The following ZNF772 variants were observed in gnomAD, a reference collection of about 807,000 sequenced individuals.
ZNF772 encodes zinc finger protein 772.
ZNF772 carries 8 observed loss-of-function variants against 11.0 expected under a neutral mutation model. The ratio of observed to expected loss-of-function variants is 0.73; its 90% CI spans 0.43 to 1.31. ZNF772 has a LOEUF of 1.31. Ranked by LOEUF, ZNF772 falls within the 50% of genes most tolerant of loss-of-function variation. The probability of loss-of-function intolerance (pLI) is 0.01; values close to 1 mark genes in which losing one functional copy is unlikely to be tolerated. For synonymous variants in ZNF772, 155 were observed against 180.4 expected (o/e 0.86, Z 1.13); for missense variants, 496 against 552.3 (o/e 0.90, Z 1.02).
In ZNF772 at chr19:57,474,438, G is replaced by C; in HGVS notation, c.200-17C>G. ...GCCAACAACCTGAAAGCAGAGAAAT[G>C]CTGGTGAAGTACAAATTGACACAGG... On this transcript the variant is annotated splice_polypyrimidine_tract_variant and intron_variant, in intron 3 of 3. Transcript: ENST00000356584. The C allele has an allele frequency of 1.3e-6, 2 of 1,591,352 alleles. No homozygotes were observed. The highest frequency in any genetic ancestry group is 1.7e-6 in the Non-Finnish European group (2 of 1,171,812).
chr19:57,476,229 C>T (rs1299851791), intron 2 of ZNF772, among the ~76,000 whole-genome samples: 3 of 152,230 alleles, frequency 2.0e-5, no homozygotes, highest in Non-Finnish European at 4.4e-5. Flanking sequence ...ACTAAATGCA[C>T]TACCACTGTG....
Position 57,475,493 on chromosome 19 carries a change from A to G in ZNF772, c.199+167T>C. ...AGCGCTGGGAATGCTCAAAAGGAGAAAGTAGGAGTGCAAACAGCCCAAGCC... is the reference window on the plus strand; with the variant it reads ...AGCGCTGGGAATGCTCAAAAGGAGAGAGTAGGAGTGCAAACAGCCCAAGCC... On this transcript the variant is annotated intron_variant, in intron 3 of 3. Transcript: ENST00000356584. The surrounding 1 kb of genome is among the most constrained non-coding windows in gnomAD (Gnocchi z 4.2). The G allele has an allele frequency of 9.2e-7, 1 of 1,090,770 alleles. No homozygotes were observed. Among genetic ancestry groups the G allele is most frequent in the Non-Finnish European group, 1.4e-6 (1 of 715,478 alleles). 67.6% of individuals were successfully genotyped at this position (1,090,770 alleles called of 1,614,324 possible). A position where few individuals can be genotyped will look rare whatever the true frequency, so the allele number is the denominator to read the frequency against.
Position 57,475,905 on chromosome 19 carries a change from T to A in ZNF772, c.73-119A>T. The A allele has an allele frequency of 7.2e-7, 1 of 1,393,190 alleles. No homozygotes were observed. Among genetic ancestry groups the A allele is most frequent in the Non-Finnish European group, 9.7e-7 (1 of 1,027,978 alleles). 86.3% of individuals were successfully genotyped at this position (1,393,190 alleles called of 1,614,324 possible). A position where few individuals can be genotyped will look rare whatever the true frequency, so the allele number is the denominator to read the frequency against. On this transcript the variant is annotated intron_variant, in intron 2 of 3. Coordinates refer to ENST00000356584, the MANE Select transcript of ZNF772 (RefSeq NM_001144068.2). This position sits in a 1 kb window ranked among gnomAD's most constrained non-coding sequence, Gnocchi z 4.2. ...ACCTAACTCCTCAACTCAGGAAATA[T>A]CAGGACCAGATGTCATTGGTGTCTT...
chr19:57,476,524 G>T, intron 2 of ZNF772, 110 bp downstream of exon 2: 1 of 1,389,668 alleles, frequency 7.2e-7, no homozygotes, highest in Non-Finnish European at 1.0e-6. Flanking sequence ...AGAGTCCTCA[G>T]ACCCAAGAGA....
rs1440924814 is a variant in ZNF772 at position 57,470,539 on chromosome 19, C to T, written c.*2735G>A. On this transcript the variant is annotated 3_prime_UTR_variant, in exon 4 of 4. Coordinates refer to ENST00000356584, the MANE Select transcript of ZNF772 (RefSeq NM_001144068.2). ...CAAAAGAAATGAAATCCAATAAAAG[C>T]GGAAGGCATTAGTAAAACTCAAAAT... The T allele has an allele frequency of 4.6e-5, 7 of 152,064 alleles. No homozygotes were observed. The highest frequency in any genetic ancestry group is 7.2e-5 in the African/African-American group (3 of 41,490). 9.4% of individuals were successfully genotyped at this position (152,064 alleles called of 1,614,324 possible). A position where few individuals can be genotyped will look rare whatever the true frequency, so the allele number is the denominator to read the frequency against.
Position 57,475,885 on chromosome 19 carries a change from A to C in ZNF772, c.73-99T>G. 1 of 1,460,388 alleles carries C rather than the reference A, an allele frequency of 6.8e-7. No homozygotes were observed. The allele number at this position is 1,460,388 out of a possible 1,614,324, so 90.5% of individuals were successfully genotyped here. On this transcript the variant is annotated intron_variant, in intron 2 of 3. Transcript: ENST00000356584. The surrounding 1 kb of genome is among the most constrained non-coding windows in gnomAD (Gnocchi z 4.2). Reference sequence around the variant, plus strand: ...TCCCTCCTGTACACCCTCCTACCTAACTCCTCAACTCAGGAAATATCAGGA... The same window carrying C: ...TCCCTCCTGTACACCCTCCTACCTACCTCCTCAACTCAGGAAATATCAGGA...
chr19:57,475,124 G>T lies in ZNF772; in HGVS notation c.199+536C>A. On this transcript the variant is annotated intron_variant, in intron 3 of 3. Transcript: ENST00000356584. This position sits in a 1 kb window ranked among gnomAD's most constrained non-coding sequence, Gnocchi z 4.2. ...TACCCATCACCAGTGAGGCAACTAT[G>T]TGGGACATGAAAGATGTATGTCCTA... 1 of 1,614,238 alleles carries T rather than the reference G, an allele frequency of 6.2e-7. No individual in the cohort carries two copies. The highest frequency in any genetic ancestry group is 1.1e-5 in the South Asian group (1 of 91,082).
At chr19:57,474,963 G>C in intron 3 of ZNF772, 1 of 1,607,916 alleles carries the variant, frequency 6.2e-7, no homozygotes, top group Non-Finnish European at 8.5e-7. Flanking sequence ...TAGGCACAAA[G>C]AGGCTATGGA....
rs1356565396 is a variant in ZNF772, at chr19:57,473,154, TGA to T, written c.*118_*119del. On this transcript the variant is annotated 3_prime_UTR_variant, in exon 4 of 4. Transcript: ENST00000356584. Reference sequence around the variant, plus strand: ...GGCACTCGGAAGAACCTCCCCAGGGTGAGTGTTTGAGTGTATAAAGTTCTACT... The same window carrying T: ...GGCACTCGGAAGAACCTCCCCAGGGTGTGTTTGAGTGTATAAAGTTCTACT... 7.3e-6 allele frequency: 7 copies of T among 958,102 alleles called. No homozygotes were observed. Among genetic ancestry groups the T allele is most frequent in the Non-Finnish European group, 9.1e-6 (6 of 660,760 alleles). 59.4% of individuals were successfully genotyped at this position (958,102 alleles called of 1,614,324 possible).
chr19:57,475,853 A>G lies in ZNF772; in HGVS notation c.73-67T>C. 3 of 1,542,454 alleles carry G rather than the reference A, an allele frequency of 1.9e-6. No homozygotes were observed. In the East Asian group the frequency reaches 6.8e-5, roughly 35 times the overall value. On this transcript the variant is annotated intron_variant, in intron 2 of 3. Transcript: ENST00000356584. The surrounding 1 kb of genome is among the most constrained non-coding windows in gnomAD (Gnocchi z 4.2). Reference sequence around the variant, plus strand: ...CCCAAGAACCCCCATCCGTGCCCCCACACATCTCCCTCCTGTACACCCTCC... The same window carrying G: ...CCCAAGAACCCCCATCCGTGCCCCCGCACATCTCCCTCCTGTACACCCTCC...
At chr19:57,477,201 C>T in intron 1 of ZNF772, 76 bp downstream of exon 1, 1 of 1,601,310 alleles carries the variant, frequency 6.2e-7, no homozygotes, top group Non-Finnish European at 8.5e-7. Flanking sequence ...CTGCAGTAAC[C>T]CGAGGAATCG....
At chr19:57,474,471 G>A (rs1440537609) in intron 3 of ZNF772, 50 bp from the exon 4 acceptor site, 2 of 1,552,096 alleles carry the variant, frequency 1.3e-6, no homozygotes, top group Non-Finnish European at 8.7e-7. Context: ...AGGTGGAAGA[G>A]GGGAAGCCTC....
intron 3 of ZNF772, chr19:57,474,973 AATG>A: frequency 6.2e-7 from 1 of 1,611,996 alleles, no homozygotes; most frequent in East Asian, 2.2e-5. Flanking sequence ...GAGGCTATGG[AATG>A]ATATGAACCC....
In ZNF772 at chr19:57,470,354, C is replaced by G. The variant is rs553364103; in HGVS notation, c.*2920G>C. 5.3e-5 allele frequency: 8 copies of G among 151,694 alleles called. No homozygotes were observed. In the East Asian group the frequency reaches 1.6e-3, roughly 29 times the overall value. 9.4% of individuals were successfully genotyped at this position (151,694 alleles called of 1,614,324 possible). A position where few individuals can be genotyped will look rare whatever the true frequency, so the allele number is the denominator to read the frequency against. On this transcript the variant is annotated 3_prime_UTR_variant, in exon 4 of 4. Transcript: ENST00000356584. ...CTCCAACCTGGATGACAGAGCAAGA[C>G]ACTGTCTCAAAAAAAAAAATGAAAC...
In ZNF772 at chr19:57,477,301, C is replaced by A. The variant is rs1568560382; in HGVS notation, c.9G>T (p.Ala3=). 1.9e-6 allele frequency: 3 copies of A among 1,613,522 alleles called. No homozygotes were observed. Among genetic ancestry groups the A allele is most frequent in the Non-Finnish European group, 2.5e-6 (3 of 1,179,616 alleles). ...CCTGTGCCGGGCCCATCGGCTCAGC[C>A]GCCGCCATCAGGCCTGTGGACTACG... is the stretch of plus-strand genomic sequence containing the variant. MA[A]AEPMGPAQVP... Residue 3 remains alanine, a synonymous_variant, in exon 1 of 4, where the codon GCG becomes GCT. Coordinates refer to ENST00000356584, the MANE Select transcript of ZNF772 (RefSeq NM_001144068.2).
In ZNF772 at chr19:57,474,193, C is replaced by T. The variant is rs771011227; in HGVS notation, c.428G>A (p.Ser143Asn). 1.1e-5 allele frequency: 18 copies of T among 1,614,068 alleles called. No individual in the cohort carries two copies. Among genetic ancestry groups the T allele is most frequent in the Non-Finnish European group, 1.5e-5 (18 of 1,180,028 alleles). The part of the protein sequence containing the change: ...CVLCGKQFCF[S>N]ANLHQHQKQH... ...CTTCTGGTGCTGGTGAAGGTTTGCA[C>T]TGAAGCAGAACTGTTTCCCACACAG... Residue 143 changes from serine to asparagine, a missense_variant, in exon 4 of 4, where the codon AGT (serine) becomes AAT (asparagine). By Grantham distance (46) the Ser-to-Asn change is conservative (BLOSUM62 1). Transcript: ENST00000356584.
Position 57,473,988 on chromosome 19 carries a change from G to A in ZNF772, c.633C>T (p.Asn211=). The change falls in exon 4 of 4, where the codon AAC becomes AAT. Residue 211 remains asparagine, a synonymous_variant. Transcript: ENST00000356584. ...AGTGAGAGGCCTCCTCACACTTGGTGTTGCTGTGTGGCTTCCACTCATTGT... is the reference window on the plus strand; with the variant it reads ...AGTGAGAGGCCTCCTCACACTTGGTATTGCTGTGTGGCTTCCACTCATTGT... ...APHNEWKPHS[N]TKCEEASHCG... The A allele has an allele frequency of 1.2e-6, 2 of 1,614,222 alleles. No individual in the cohort carries two copies. Among genetic ancestry groups the A allele is most frequent in the Non-Finnish European group, 1.7e-6 (2 of 1,180,048 alleles).
At chr19:57,476,265 A>C in intron 2 of ZNF772, 1 of 320,506 alleles carries the variant, frequency 3.1e-6, no homozygotes, top group Non-Finnish European at 5.9e-6. Context: ...TTTAACTCCC[A>C]ATCTACATAA....
chr19:57,477,356 G>C lies in ZNF772; in HGVS notation c.-47C>G. The C allele has an allele frequency of 1.9e-6, 3 of 1,610,890 alleles. No individual in the cohort carries two copies. The African/African-American group carries it at 4.0e-5, about 21-fold the overall frequency. On this transcript the variant is annotated 5_prime_UTR_variant, in exon 1 of 4. In the 5' UTR this introduces an upstream ATG that the reference lacks. Transcript: ENST00000356584. ...GGTGGCGACAAGTGCAGGAACCTGG[G>C]ATCAGCTGTCCAGGGCCCAGCCCAG...
Sources: gnomAD v4.1 joint callset for allele counts (sites outside exome capture counted in the v4.1 genomes callset) on GRCh38, gnomAD v4.1.1 for gene constraint, Gnocchi (gnomAD v3.1) non-coding constraint, MANE v1.5 for transcripts, NCBI Gene and HGNC (gene_info 2026-07-23, HGNC 2026-07-21) for gene names.